CNBD1: variants seen among roughly 807,000 people sequenced by gnomAD.
CNBD1 encodes the protein cyclic nucleotide binding domain containing 1, also known as cyclic nucleotide-binding domain-containing protein 1.
A neutral mutation model predicts 54.4 loss-of-function variants in CNBD1; 71 were observed. That is an observed-to-expected ratio of 1.30 (90% CI 1.08 to 1.59). CNBD1 has a LOEUF of 1.59. CNBD1 is among the 40% of genes most tolerant of loss of function. The pLI is 0.00. For missense variants in CNBD1, 659 were observed against 518.0 expected (o/e 1.27, Z -2.64); for synonymous variants, 182 against 170.7 (o/e 1.07, Z -0.51).
At chr8:87,306,908 GAAAAT>G (rs1350424354) in intron 8 of CNBD1, among the ~76,000 whole-genome samples, 17 of 151,848 alleles carry the variant, frequency 1.1e-4, no homozygotes, top group South Asian at 4.2e-4. Context: ...ATAATTTACG[GAAAAT>G]AAAATAAAAG....
At chr8:87,300,135 AAAATAT>A (rs1400057669) in intron 8 of CNBD1, among the ~76,000 whole-genome samples, 3 of 152,232 alleles carry the variant, frequency 2.0e-5, no homozygotes, top group Middle Eastern at 3.2e-3. Context: ...TGCAGTTTAA[AAAATAT>A]AAATATGATA....
At chr8:87,045,623 G>A (rs769486612) in intron 4 of CNBD1, among the ~76,000 whole-genome samples, 21 of 151,248 alleles carry the variant, frequency 1.4e-4, no homozygotes, top group Non-Finnish European at 2.8e-4. Context: ...TACTCGGGAG[G>A]CTGAGGCAGG....
chr8:87,225,449 A>C (rs1814460333), intron 5 of CNBD1, among the ~76,000 whole-genome samples: 2 of 151,684 alleles, frequency 1.3e-5, no homozygotes, highest in African/African-American at 4.8e-5. Flanking sequence ...TTTAGCATGA[A>C]GGGTTGTTGA....
At chr8:87,422,346 G>A (rs1490821737) in intron 2 of CNBD1, among the ~76,000 whole-genome samples, 16 of 146,878 alleles carry the variant, frequency 1.1e-4, no homozygotes, top group Admixed American at 1.4e-4. Flanking sequence ...TGAAGTCCTT[G>A]CCCGTGCCTA....
chr8:87,337,664 T>A (rs1000313600), intron 8 of CNBD1, among the ~76,000 whole-genome samples: 1 of 152,196 alleles, frequency 6.6e-6, no homozygotes, highest in Non-Finnish European at 1.5e-5. Flanking sequence ...ACCACAGTTT[T>A]CCAGGCTGGG....
At chr8:87,117,390 T>G (rs113175153) in intron 4 of CNBD1, among the ~76,000 whole-genome samples, 26,585 of 135,694 alleles carry the variant, frequency 0.2, 2,895 homozygotes, top group Admixed American at 0.26. Context: ...CAGAGCAAGA[T>G]TCCGTCTCAA....
rs572425863 is a variant in CNBD1 at position 87,389,617 on chromosome 8, GA to G, written c.213+35833del. ...TAATAAAAGAGGATACAAACAAATG[GA>G]AGAACATTCCATGCCCATGGGTAGG... On this transcript the variant is annotated intron_variant, in intron 2 of 7. Coordinates refer to the CNBD1 transcript ENST00000521593. Among the ~76,000 whole-genome samples the G allele has an allele frequency of 7.0e-4, 107 of 152,212 alleles. 1 individual carries two copies. The highest frequency in any genetic ancestry group is 2.5e-3 in the African/African-American group (105 of 41,536).
rs573304598 is a variant in CNBD1, at chr8:87,099,081, CT to C, written c.432-106910del. ...AAAAACAAAACTCCAAATTTTGACCCTTATGCTTATATGCCACTGTGAAAAG... is the reference window on the plus strand; with the variant it reads ...AAAAACAAAACTCCAAATTTTGACCCTATGCTTATATGCCACTGTGAAAAG... On this transcript the variant is annotated intron_variant, in intron 4 of 10. Transcript: ENST00000518476. 9.0e-4 allele frequency among the ~76,000 whole-genome samples: 135 copies of C among 150,022 alleles called. 1 individual carries two copies. The highest frequency in any genetic ancestry group is 6.4e-4 in the South Asian group (3 of 4,708).
intron 6 of CNBD1, among the ~76,000 whole-genome samples, chr8:87,240,960 A>C (rs986545153): frequency 1.3e-5 from 2 of 152,094 alleles, no homozygotes; most frequent in African/African-American, 4.8e-5. Context: ...TTAGCTGGAT[A>C]CTTTTTGTGG....
intron 10 of CNBD1, among the ~76,000 whole-genome samples, chr8:87,380,397 C>A (rs1811050069): frequency 6.6e-6 from 1 of 151,670 alleles, no homozygotes; most frequent in Non-Finnish European, 1.5e-5. Context: ...TTATGCAATA[C>A]CATACTGTTT....
intron 3 of CNBD1, among the ~76,000 whole-genome samples, chr8:86,906,704 C>T (rs1333333573): frequency 1.3e-5 from 2 of 152,102 alleles, no homozygotes; most frequent in Non-Finnish European, 2.9e-5. Flanking sequence ...ATCATCTTGC[C>T]CTCATATTTA....
intron 3 of CNBD1, among the ~76,000 whole-genome samples, chr8:86,911,369 G>A (rs938629007): frequency 6.6e-6 from 1 of 152,162 alleles, no homozygotes; most frequent in Non-Finnish European, 1.5e-5. Context: ...CATATCAAAA[G>A]TTTAAGGAAA....
chr8:86,957,328 A>T lies in CNBD1; in HGVS notation c.431+17574A>T, dbSNP rs186650185. Reference sequence around the variant, plus strand: ...GTCTCTGCCAGGCTTTGGTATCAGGATGATGCTGGCCTCATAAAATGAGTT... The same window carrying T: ...GTCTCTGCCAGGCTTTGGTATCAGGTTGATGCTGGCCTCATAAAATGAGTT... On this transcript the variant is annotated intron_variant, in intron 4 of 10. Coordinates refer to ENST00000518476, the MANE Select transcript of CNBD1 (RefSeq NM_173538.3). Among the ~76,000 whole-genome samples, 878 of 152,262 alleles carry T rather than the reference A, an allele frequency of 5.8e-3. 3 individuals are homozygous for T. Among genetic ancestry groups the T allele is most frequent in the Non-Finnish European group, 9.5e-3 (646 of 68,032 alleles).
chr8:87,176,629 C>T (rs538506309), intron 4 of CNBD1, among the ~76,000 whole-genome samples: 12 of 150,926 alleles, frequency 8.0e-5, no homozygotes, highest in South Asian at 4.2e-4. Flanking sequence ...GGATTACAGG[C>T]GTGGCCCACC....
chr8:87,418,761 T>A (rs1319259010), intron 2 of CNBD1, among the ~76,000 whole-genome samples: 1 of 151,924 alleles, frequency 6.6e-6, no homozygotes, highest in Non-Finnish European at 1.5e-5. Context: ...GTGATACCAC[T>A]TTACATCCAA....
At chr8:87,358,075 C>T (rs933858298) in intron 10 of CNBD1, among the ~76,000 whole-genome samples, 4 of 152,080 alleles carry the variant, frequency 2.6e-5, no homozygotes, top group Non-Finnish European at 5.9e-5. Context: ...AAAAGATTCC[C>T]GAGGCCTCAT....
At chr8:86,971,958 AC>A (rs991052459) in intron 4 of CNBD1, among the ~76,000 whole-genome samples, 1 of 151,566 alleles carries the variant, frequency 6.6e-6, no homozygotes, top group African/African-American at 2.4e-5. Context: ...ATTAAATAGA[AC>A]TTTTTTTTTT....
intron 2 of CNBD1, among the ~76,000 whole-genome samples, chr8:87,397,504 A>G (rs978507991): frequency 2.0e-5 from 3 of 152,050 alleles, no homozygotes; most frequent in East Asian, 1.9e-4. Context: ...ATTTACCTCT[A>G]CTAATGGCAG....
chr8:87,034,430 T>C (rs916386221), intron 4 of CNBD1, among the ~76,000 whole-genome samples: 4 of 152,196 alleles, frequency 2.6e-5, no homozygotes, highest in Non-Finnish European at 5.9e-5. Flanking sequence ...CTTGAGCTCA[T>C]CTCAACAGCA....
Sources: allele counts gnomAD v4.1 joint callset (sites outside exome capture counted in the v4.1 genomes callset), GRCh38; gene constraint gnomAD v4.1.1; transcripts MANE v1.5; gene names NCBI Gene and HGNC (gene_info 2026-07-23, HGNC 2026-07-21).